FHIP1B: variants seen among roughly 807,000 people sequenced by gnomAD.
FHIP1B encodes the protein FHF complex subunit HOOK-interacting protein 1B.
A neutral mutation model predicts 82.2 loss-of-function variants in FHIP1B; 28 were observed. That is an observed-to-expected ratio of 0.34 (90% CI 0.25 to 0.47). FHIP1B has a LOEUF of 0.47. Ranked by LOEUF, FHIP1B falls within the 20% of genes least tolerant of loss-of-function variation. FHIP1B has a pLI of 1.00. For synonymous variants in FHIP1B, 585 were observed against 516.1 expected (o/e 1.13, Z -1.81); for missense variants, 1,110 against 1,262.6 (o/e 0.88, Z 1.83).
chr11:6,218,517 C>A, intron 8 of FHIP1B, 83 bp downstream of exon 8: 1 of 1,587,514 alleles, frequency 6.3e-7, no homozygotes, highest in Non-Finnish European at 8.6e-7. Context: ...CCCTTCACCC[C>A]AGCCCCTCCT....
intron 8 of FHIP1B, 123 bp downstream of exon 8, chr11:6,218,477 G>A: frequency 1.4e-5 from 21 of 1,456,176 alleles, no homozygotes; most frequent in Non-Finnish European, 1.9e-5. Context: ...CCTCCCCAAA[G>A]ACAGACTATC....
At chr11:6,215,314 T>G in intron 9 of FHIP1B, 1 of 158,154 alleles carries the variant, frequency 6.3e-6, no homozygotes, top group Non-Finnish European at 1.4e-5. Flanking sequence ...ATAAAGCATT[T>G]AGCCTCAGAT....
rs796815619 is a variant in FHIP1B at position 6,224,060 on chromosome 11, C to T, written c.327G>A (p.Val109=). The T allele has an allele frequency of 3.7e-6, 6 of 1,613,334 alleles. No homozygotes were observed. In the East Asian group the frequency reaches 6.7e-5, roughly 18 times the overall value. ...FALHEDLLTR[V]LTWQLQWDEL... ...CATCCCATTGCAGCTGCCATGTCAA[C>T]ACACGGGTCAGCAGATCCTCGTGCA... Residue 109 remains valine, a synonymous_variant, in exon 3 of 12, where the codon GTG becomes GTA. Coordinates refer to ENST00000449352, the MANE Select transcript of FHIP1B (RefSeq NM_001098794.2).
At chr11:6,229,739 C>A (rs1482378550) in intron 1 of FHIP1B, among the ~76,000 whole-genome samples, 1 of 152,110 alleles carries the variant, frequency 6.6e-6, no homozygotes, top group Non-Finnish European at 1.5e-5. Flanking sequence ...CACCTGCCCA[C>A]CGCAGTTCTA....
rs761164033 is a variant in FHIP1B, at chr11:6,224,241, C to T, written c.146G>A (p.Arg49Gln). Residue 49 changes from arginine to glutamine, a missense_variant, in exon 3 of 12, where the codon CGA becomes CAA. By Grantham distance (43) the Arg-to-Gln change is conservative. Coordinates refer to ENST00000449352, the MANE Select transcript of FHIP1B (RefSeq NM_001098794.2). ...CCGAGGGCCTTGCCGCTCCAGGATT[C>T]GCACCACCTAGGGAAAAAGGACAGA... is the stretch of plus-strand genomic sequence containing the variant. The part of the protein sequence containing the change: ...VFKNHWSQVV[R>Q]ILERQGPRAA... 15 of 1,610,026 alleles carry T rather than the reference C, an allele frequency of 9.3e-6. No homozygotes were observed. In the Admixed American group the frequency reaches 1.3e-4, roughly 14 times the overall value.
rs768508312 is a variant in FHIP1B, at chr11:6,224,080, C to T, written c.307G>A (p.Glu103Lys). 2.5e-6 allele frequency: 4 copies of T among 1,613,738 alleles called. No individual in the cohort carries two copies. Among genetic ancestry groups the T allele is most frequent in the South Asian group, 1.1e-5 (1 of 90,970 alleles). The change falls in exon 3 of 12, where the codon GAG becomes AAG. Residue 103 changes from glutamate (E) to lysine (K), a missense_variant. By Grantham distance (56) the Glu-to-Lys change is moderately conservative. Coordinates refer to ENST00000449352, the MANE Select transcript of FHIP1B (RefSeq NM_001098794.2). ...PGPLLEFALH[E>K]DLLTRVLTWQ... ...GTCAACACACGGGTCAGCAGATCCT[C>T]GTGCAGAGCAAACTCCAGCAGGGGC...
intron 1 of FHIP1B, among the ~76,000 whole-genome samples, chr11:6,228,261 A>G (rs1847613683): frequency 6.6e-6 from 1 of 152,126 alleles, no homozygotes; most frequent in South Asian, 2.1e-4. Context: ...AAGGCAGGAG[A>G]ATCGCTTGAA....
intron 1 of FHIP1B, among the ~76,000 whole-genome samples, chr11:6,225,658 ACAAT>A (rs1201426756): frequency 2.6e-5 from 4 of 152,248 alleles, no homozygotes; most frequent in Non-Finnish European, 5.9e-5. Flanking sequence ...GAATGAATGA[ACAAT>A]CAATCAAGAA....
chr11:6,217,440 CAG>C lies in FHIP1B; in HGVS notation c.2144_2145del (p.Pro715ArgfsTer91), dbSNP rs757522136. The C allele has an allele frequency of 6.2e-7, 1 of 1,613,816 alleles. No homozygotes were observed. Among genetic ancestry groups the C allele is most frequent in the African/African-American group, 1.3e-5 (1 of 74,880 alleles). On this transcript the variant is annotated frameshift_variant, in exon 9 of 12. Coordinates refer to ENST00000449352, the MANE Select transcript of FHIP1B (RefSeq NM_001098794.2). LOFTEE classifies it high-confidence loss of function. The part of the protein sequence containing the change: ...EEAYESFTCP[P>X]EPPGPFLSSP... Reference sequence around the variant, plus strand: ...CTGCTGAGGAAGGGGCCAGGGGGCTCAGGGGGACAGGTGAAGCTCTCGTAGGC... The same window carrying C: ...CTGCTGAGGAAGGGGCCAGGGGGCTCGGGGACAGGTGAAGCTCTCGTAGGC...
Position 6,217,603 on chromosome 11 carries a change from T to C in FHIP1B, c.1983A>G (p.Leu661=). Residue 661 remains leucine (L), a synonymous_variant, in exon 9 of 12, where the codon CTA becomes CTG. Transcript: ENST00000449352. ...LVPKEGAGEL[L]EGISEGMAGL... is the part of the protein sequence containing the mutation. Reference sequence around the variant, plus strand: ...CTGCCATGCCCTCGGAGATGCCCTCTAGCAGTTCCCCAGCTCCCTCCTTTG... The same window carrying C: ...CTGCCATGCCCTCGGAGATGCCCTCCAGCAGTTCCCCAGCTCCCTCCTTTG... 2 of 1,613,606 alleles carry C rather than the reference T, an allele frequency of 1.2e-6. No individual in the cohort carries two copies. The highest frequency in any genetic ancestry group is 2.2e-5 in the South Asian group (2 of 90,998).
chr11:6,215,058 C>A (rs1231676734), intron 9 of FHIP1B, 147 bp from the exon 10 acceptor site: 4 of 734,718 alleles, frequency 5.4e-6, no homozygotes, highest in Non-Finnish European at 8.1e-6. Flanking sequence ...CCGTGGCCAC[C>A]TATTCTGGAG....
In FHIP1B at chr11:6,228,046, G is replaced by A. The variant is rs545667873; in HGVS notation, c.-191-3339C>T. Among the ~76,000 whole-genome samples, 8 of 152,288 alleles carry A rather than the reference G, an allele frequency of 5.3e-5. No individual in the cohort carries two copies. The South Asian group carries it at 8.3e-4, about 16-fold the overall frequency. ...ACTTTCAGGAAATTCAGTAAAATGA[G>A]AAAGGATAAAAATAGGGTAGGCCAG... On this transcript the variant is annotated intron_variant, in intron 1 of 11. Coordinates refer to ENST00000449352, the MANE Select transcript of FHIP1B (RefSeq NM_001098794.2).
chr11:6,211,653 A>G lies in FHIP1B; in HGVS notation c.2772T>C (p.Ala924=). The change falls in exon 12 of 12, where the codon GCT becomes GCC. Residue 924 remains alanine, a synonymous_variant. Coordinates refer to ENST00000449352, the MANE Select transcript of FHIP1B (RefSeq NM_001098794.2). ...CAGGGAAAATGACTGCACAGTAGAC[A>G]GCATTCTTGACTCGAAGAGCCTCAC... The part of the protein sequence containing the change: ...RQGEALRVKN[A]VYCAVIFPEF... 1 of 1,614,248 alleles carries G rather than the reference A, an allele frequency of 6.2e-7. No homozygotes were observed.
chr11:6,224,265 G>T lies in FHIP1B; in HGVS notation c.139-17C>A, dbSNP rs1294248654. The stretch of plus-strand genomic sequence containing the variant: ...TCGCACCACCTAGGGAAAAAGGACA[G>T]AAGATGGAAGGAATCTAAATTGATA... On this transcript the variant is annotated splice_polypyrimidine_tract_variant and intron_variant, in intron 2 of 11. Coordinates refer to ENST00000449352, the MANE Select transcript of FHIP1B (RefSeq NM_001098794.2). The T allele has an allele frequency of 6.2e-7, 1 of 1,612,590 alleles. No homozygotes were observed.
rs1376848946 is a variant in FHIP1B, at chr11:6,214,783, G to A, written c.2344C>T (p.Leu782=). 1.2e-6 allele frequency: 2 copies of A among 1,608,352 alleles called. No individual in the cohort carries two copies. The highest frequency in any genetic ancestry group is 2.2e-5 in the South Asian group (2 of 90,308). The change falls in exon 10 of 12, where the codon CTG becomes TTG. Residue 782 remains leucine (L), a synonymous_variant. Coordinates refer to ENST00000449352, the MANE Select transcript of FHIP1B (RefSeq NM_001098794.2). ...TGGAAGACCATGTTGGTGTTGAGCA[G>A]GAAAGAGCGGAGCAGGGGCTGGGGG... ...CHPQPLLRSF[L]LNTNMVFQPS...
chr11:6,229,370 C>T lies in FHIP1B; in HGVS notation c.-191-4663G>A, dbSNP rs986871448. Among the ~76,000 whole-genome samples, 4 of 152,274 alleles carry T rather than the reference C, an allele frequency of 2.6e-5. No individual in the cohort carries two copies. In the East Asian group the frequency reaches 7.7e-4, roughly 29 times the overall value. ...ATAACAACCTATGTAGCATTCCAAC[C>T]ATAAAGAAGGTACTCTGTAAATTAC... On this transcript the variant is annotated intron_variant, in intron 1 of 11. Transcript: ENST00000449352.
chr11:6,228,768 T>C (rs757232883), intron 1 of FHIP1B, among the ~76,000 whole-genome samples: 9 of 152,214 alleles, frequency 5.9e-5, no homozygotes, highest in Non-Finnish European at 1.3e-4. Flanking sequence ...CTTTCATACA[T>C]GGTTTCTTAA....
chr11:6,229,498 C>T (rs1371807978), intron 1 of FHIP1B, among the ~76,000 whole-genome samples: 4 of 152,218 alleles, frequency 2.6e-5, no homozygotes, highest in African/African-American at 7.2e-5. Context: ...CCATCCTTAT[C>T]GCCTCCCATG....
intron 1 of FHIP1B, among the ~76,000 whole-genome samples, chr11:6,232,185 T>C (rs1847716260): frequency 6.6e-6 from 1 of 152,220 alleles, no homozygotes; most frequent in Non-Finnish European, 1.5e-5. Context: ...CACTACTATT[T>C]CAACAGAGTT....
Sources: gnomAD v4.1 joint callset for allele counts (sites outside exome capture counted in the v4.1 genomes callset) on GRCh38, gnomAD v4.1.1 for gene constraint, MANE v1.5 for transcripts, NCBI Gene and HGNC (gene_info 2026-07-23, HGNC 2026-07-21) for gene names.